The following CA11 variants were observed in gnomAD, a reference collection of about 807,000 sequenced individuals.
CA11 encodes the protein carbonic anhydrase-related protein 11.
In CA11, 20 loss-of-function variants were observed where a neutral mutation model predicts 39.3. The observed-to-expected ratio is 0.51, with a 90% CI of 0.36 to 0.74. The LOEUF (loss-of-function observed/expected upper bound fraction) is 0.74. Ranked by LOEUF, CA11 falls within the 30% of genes least tolerant of loss-of-function variation. The probability of loss-of-function intolerance (pLI) is 0.00; values close to 1 mark genes in which losing one functional copy is unlikely to be tolerated. For synonymous variants in CA11, 166 were observed against 172.5 expected (o/e 0.96, Z 0.29); for missense variants, 336 against 424.6 (o/e 0.79, Z 1.83).
rs775895352 is a variant in CA11 at position 48,638,163 on chromosome 19, C to T, written c.962-19G>A. On this transcript the variant is annotated intron_variant, in intron 8 of 8. Transcript: ENST00000084798. ...CCATCCACTGTAAGACAGAGAACAA[C>T]GGCAGGGGGCGTCAGTATAGGATGG... 3 of 1,278,044 alleles carry T rather than the reference C, an allele frequency of 2.3e-6. No individual in the cohort carries two copies. Among genetic ancestry groups the T allele is most frequent in the East Asian group, 3.2e-5 (1 of 30,784 alleles). The allele number at this position is 1,278,044 out of a possible 1,614,324, so 79.2% of individuals were successfully genotyped here.
chr19:48,639,627 T>TG lies in CA11; in HGVS notation c.568-7dup. On this transcript the variant is annotated splice_region_variant and splice_polypyrimidine_tract_variant and intron_variant, in intron 5 of 8. Transcript: ENST00000084798. ...GGGTTAGAGGTACTGGCAACCTGTGTGGGGGTACGAGGTGAGGACACAGGA... is the reference window on the plus strand; with the variant it reads ...GGGTTAGAGGTACTGGCAACCTGTGTGGGGGGTACGAGGTGAGGACACAGGA... The TG allele has an allele frequency of 6.2e-7, 1 of 1,613,706 alleles. No homozygotes were observed. The highest frequency in any genetic ancestry group is 8.5e-7 in the Non-Finnish European group (1 of 1,179,860).
chr19:48,640,687 T>A (rs1490676350), intron 3 of CA11, among the ~76,000 whole-genome samples: 2 of 143,828 alleles, frequency 1.4e-5, no homozygotes, highest in Non-Finnish European at 3.1e-5. Context: ...TTTTTTTTTC[T>A]GGGGGGAGAC....
intron 4 of CA11, 36 bp downstream of exon 4, chr19:48,640,059 G>A: frequency 6.2e-7 from 1 of 1,600,354 alleles, no homozygotes; most frequent in Non-Finnish European, 8.5e-7. Context: ...GTGACTCAGG[G>A]CGGAGGGTGG....
rs1329576549 is a variant in CA11 at position 48,639,346 on chromosome 19, A to G, written c.754T>C (p.Trp252Arg). ...TTGAGGGCCCGGTCAATGAGGATCC[A>G]GGTGACAGTCTCGGAGCAGGGCGGG... is the stretch of plus-strand genomic sequence containing the variant. ...STPPCSETVT[W>R]ILIDRALNIT... Residue 252 changes from tryptophan (W) to arginine (R), a missense_variant, in exon 7 of 9, where the codon TGG (tryptophan) becomes CGG (arginine). Transcript: ENST00000084798. The G allele has an allele frequency of 6.2e-7, 1 of 1,613,624 alleles. No homozygotes were observed. The highest frequency in any genetic ancestry group is 1.3e-5 in the African/African-American group (1 of 74,812).
At position 48,645,455 on chromosome 19, in the gene CA11, G is replaced by T. The variant is rs1029380930; in HGVS notation, c.90C>A (p.Asp30Glu). The change falls in exon 2 of 9, where the codon GAC (aspartate) becomes GAA (glutamate). Residue 30 changes from aspartate (D) to glutamate (E), a missense_variant. By Grantham distance (45) the Asp-to-Glu change is conservative. Coordinates refer to ENST00000084798, the MANE Select transcript of CA11 (RefSeq NM_001217.5). Reference sequence around the variant, plus strand: ...CCTTGTAGCTCCACCAGTCCTCGGGGTCAGGTGCTGGTCCGATGTGAGCTG... The same window carrying T: ...CCTTGTAGCTCCACCAGTCCTCGGGTTCAGGTGCTGGTCCGATGTGAGCTG... Reference protein sequence around the residue: ...GAAAHIGPAPDPEDWWSYKDN... With the variant: ...GAAAHIGPAPEPEDWWSYKDN... 3.7e-6 allele frequency: 6 copies of T among 1,602,764 alleles called. No homozygotes were observed. The Admixed American group carries it at 8.6e-5, about 23-fold the overall frequency.
In CA11 at chr19:48,639,901, C is replaced by T. The variant is rs768655235; in HGVS notation, c.472-18G>A. 1 of 1,607,964 alleles carries T rather than the reference C, an allele frequency of 6.2e-7. No individual in the cohort carries two copies. Among genetic ancestry groups the T allele is most frequent in the Non-Finnish European group, 8.5e-7 (1 of 1,174,718 alleles). On this transcript the variant is annotated intron_variant, in intron 4 of 8. Transcript: ENST00000084798. The stretch of plus-strand genomic sequence containing the variant: ...AGCTGCACCTGGGGGTAGCACAGAG[C>T]ATGGGGTCCCCCAGCAGAAGGGGAG...
chr19:48,640,303 CAG>C (rs774818452), intron 3 of CA11, 23 bp from the exon 4 acceptor site: 7 of 1,594,852 alleles, frequency 4.4e-6, no homozygotes, highest in Non-Finnish European at 5.1e-6. Flanking sequence ...CGGGAGCTGT[CAG>C]GGGGCAGGGA....
chr19:48,639,922 G>T (rs1470267934), intron 4 of CA11, 39 bp from the exon 5 acceptor site: 3 of 1,586,910 alleles, frequency 1.9e-6, no homozygotes, highest in Admixed American at 3.3e-5. Flanking sequence ...CCAGCAGAAG[G>T]GGAGGAGAGC....
At chr19:48,638,280 C>G (rs757436743) in intron 8 of CA11, 136 bp from the exon 9 acceptor site, 1 of 1,220,808 alleles carries the variant, frequency 8.2e-7, no homozygotes. Flanking sequence ...TGTACTAGGT[C>G]GAGAAGCACT....
chr19:48,645,514 T>C, intron 1 of CA11, 37 bp from the exon 2 acceptor site: 2 of 1,597,696 alleles, frequency 1.3e-6, no homozygotes, highest in Non-Finnish European at 1.7e-6. Context: ...CTCCTTGGCA[T>C]CCCCACCTCC....
intron 2 of CA11, 36 bp from the exon 3 acceptor site, chr19:48,644,605 A>C: frequency 6.7e-7 from 1 of 1,489,932 alleles, no homozygotes. Context: ...ACAAGGAGTC[A>C]GAAATAGAGA....
chr19:48,640,057 G>C, intron 4 of CA11, 38 bp downstream of exon 4: 3 of 1,598,886 alleles, frequency 1.9e-6, no homozygotes, highest in Non-Finnish European at 2.6e-6. Context: ...GGGTGACTCA[G>C]GGCGGAGGGT....
At position 48,643,211 on chromosome 19, in the gene CA11, T is replaced by C. The variant is rs1461090821; in HGVS notation, c.285+1216A>G. On this transcript the variant is annotated intron_variant, in intron 3 of 8. Transcript: ENST00000084798. This position sits in a 1 kb window ranked among gnomAD's most constrained non-coding sequence, Gnocchi z 4.3. ...TCTTTCTTTTCTCTCCCTCTCTCTC[T>C]GTATTTATTTCTTTCTGAGATGGAG... 6.6e-6 allele frequency among the ~76,000 whole-genome samples: 1 copy of C among 152,058 alleles called. No individual in the cohort carries two copies. The highest frequency in any genetic ancestry group is 1.5e-5 in the Non-Finnish European group (1 of 68,008).
intron 3 of CA11, among the ~76,000 whole-genome samples, chr19:48,641,959 C>T (rs1267577470): frequency 6.6e-6 from 1 of 151,302 alleles, no homozygotes; most frequent in African/African-American, 2.4e-5. Flanking sequence ...AAGCACTGCA[C>T]CTGGCCAAAG....
chr19:48,639,550 C>A lies in CA11; in HGVS notation c.639G>T (p.Lys213Asn). 1 of 1,614,046 alleles carries A rather than the reference C, an allele frequency of 6.2e-7. No individual in the cohort carries two copies. The highest frequency in any genetic ancestry group is 8.5e-7 in the Non-Finnish European group (1 of 1,179,980). The change falls in exon 6 of 9, where the codon AAG becomes AAT. Residue 213 changes from lysine to asparagine, a missense_variant and splice_region_variant. By Grantham distance (94) the Lys-to-Asn change is moderately conservative. Coordinates refer to ENST00000084798, the MANE Select transcript of CA11 (RefSeq NM_001217.5). Reference sequence around the variant, plus strand: ...GCCCCCAGCACGCCAGGGACTTACTCTTGTAGGAGATGCGAGTGATGGTGT... The same window carrying A: ...GCCCCCAGCACGCCAGGGACTTACTATTGTAGGAGATGCGAGTGATGGTGT... ...NRDTITRISY[K>N]NDAYFLQDLS...
In CA11 at chr19:48,645,830, G is replaced by T. The variant is rs568744687; in HGVS notation, c.-198C>A. On this transcript the variant is annotated 5_prime_UTR_variant, in exon 1 of 9. Transcript: ENST00000084798. ...CAAACCCACTCTTCTTCTCTCTCCC[G>T]TCTCTCTGTGTCTTTCCTCTTTCCT... 7.4e-6 allele frequency: 4 copies of T among 538,058 alleles called. No individual in the cohort carries two copies. In the South Asian group the frequency reaches 7.7e-5, roughly 10 times the overall value. 33.3% of individuals were successfully genotyped at this position (538,058 alleles called of 1,614,324 possible).
Position 48,639,301 on chromosome 19 carries a change from T to C in CA11, c.795+4A>G, listed in dbSNP as rs1225863714. On this transcript the variant is annotated splice_donor_region_variant and intron_variant, in intron 7 of 8. Transcript: ENST00000084798. ...TAGGAAGGGCGGTGCGGACAGAGGG[T>C]CACCTGAAGGGAGGTGATATTGAGG... The C allele has an allele frequency of 1.2e-6, 2 of 1,611,134 alleles. No individual in the cohort carries two copies. The highest frequency in any genetic ancestry group is 2.2e-5 in the South Asian group (2 of 90,936).
intron 8 of CA11, 113 bp downstream of exon 8, chr19:48,638,775 A>G (rs943743157): frequency 9.6e-6 from 11 of 1,151,006 alleles, no homozygotes; most frequent in Non-Finnish European, 1.1e-5. Flanking sequence ...TCACGAGGCT[A>G]GACCATATAG....
At position 48,644,460 on chromosome 19, in the gene CA11, C is replaced by A. The variant is rs749589239; in HGVS notation, c.252G>T (p.Leu84=). 5.0e-6 allele frequency: 8 copies of A among 1,610,066 alleles called. No individual in the cohort carries two copies. In the South Asian group the frequency reaches 6.6e-5, roughly 13 times the overall value. ...ELKRVLYDPF[L]PPLRLSTGGE... ...CTCCAGTGCTGAGCCTTAATGGGGG[C>A]AGAAAGGGGTCATAAAGAACCCTCT... The change falls in exon 3 of 9, where the codon CTG becomes CTT. Residue 84 remains leucine, a synonymous_variant. Coordinates refer to ENST00000084798, the MANE Select transcript of CA11 (RefSeq NM_001217.5).
Sources: gnomAD v4.1 joint callset for allele counts (sites outside exome capture counted in the v4.1 genomes callset) on GRCh38, gnomAD v4.1.1 for gene constraint, Gnocchi (gnomAD v3.1) non-coding constraint, MANE v1.5 for transcripts, NCBI Gene and HGNC (gene_info 2026-07-23, HGNC 2026-07-21) for gene names.